The following GPATCH2L variants were observed in gnomAD, a reference collection of about 807,000 sequenced individuals.
The protein encoded by GPATCH2L is G patch domain-containing protein 2-like.
In GPATCH2L, 31 loss-of-function variants were observed where a neutral mutation model predicts 57.4. The observed-to-expected ratio is 0.54, with a 90% CI of 0.41 to 0.73. The LOEUF (loss-of-function observed/expected upper bound fraction) is 0.73. Ranked by LOEUF, GPATCH2L falls within the 30% of genes least tolerant of loss-of-function variation. The pLI is 0.00. For synonymous variants in GPATCH2L, 199 were observed against 210.7 expected, an observed-to-expected ratio of 0.94 and a Z score of 0.48; for missense variants, 481 against 599.9, an observed-to-expected ratio of 0.80 and a Z score of 2.07.
chr14:76,195,910 C>T lies in GPATCH2L; in HGVS notation c.1226C>T (p.Ser409Leu). ...QANVHWGPPC[S>L]RDIKRKRKPV... ...AATGTACACTGGGGACCACCATGTT[C>T]ACGTGACATCAAGAGGAAGCGGAAA... Residue 409 changes from serine (S) to leucine (L), a missense_variant, in exon 9 of 10, where the codon TCA (serine) becomes TTA (leucine). Coordinates refer to ENST00000261530, the MANE Select transcript of GPATCH2L (RefSeq NM_017926.4). 1 of 1,613,780 alleles carries T rather than the reference C, an allele frequency of 6.2e-7. No homozygotes were observed. The highest frequency in any genetic ancestry group is 2.2e-5 in the East Asian group (1 of 44,880).
chr14:76,223,241 GA>G (rs1268562811), intron 1 of GPATCH2L, among the ~76,000 whole-genome samples: 2 of 152,044 alleles, frequency 1.3e-5, no homozygotes, highest in African/African-American at 4.8e-5. Context: ...ATATCTTAAA[GA>G]AAATATTAGA....
intron 7 of GPATCH2L, chr14:76,179,004 A>G (rs1003639848): frequency 3.3e-5 from 5 of 151,606 alleles, no homozygotes; most frequent in Admixed American, 6.6e-5. Flanking sequence ...TTAGTTGTAA[A>G]ATAGATGAAC....
intron 2 of GPATCH2L, among the ~76,000 whole-genome samples, chr14:76,161,836 G>T (rs146227103): frequency 0.019 from 2,945 of 152,280 alleles, 62 homozygotes; most frequent in South Asian, 0.077. Context: ...AGGAGTTTGA[G>T]ACCAGCCTGA....
At chr14:76,228,521 T>C (rs1170038507) in intron 1 of GPATCH2L, among the ~76,000 whole-genome samples, 3 of 152,216 alleles carry the variant, frequency 2.0e-5, no homozygotes, top group Non-Finnish European at 4.4e-5. Flanking sequence ...AGATTAGCGT[T>C]CTGTGGGTTG....
At chr14:76,160,654 T>A (rs1451716929) in intron 2 of GPATCH2L, among the ~76,000 whole-genome samples, 1 of 152,214 alleles carries the variant, frequency 6.6e-6, no homozygotes, top group East Asian at 1.9e-4. Flanking sequence ...TTAGTTTTTC[T>A]TTTTTTCACA....
rs980722958 is a variant in GPATCH2L, at chr14:76,171,746, A to G, written c.728-97A>G. The stretch of plus-strand genomic sequence containing the variant: ...TCAAAAAGGAAAAAAAAAAAAAAGG[A>G]TGATCAAAACTATGGCACTAAGAAA... On this transcript the variant is annotated intron_variant, in intron 3 of 9. Coordinates refer to ENST00000261530, the MANE Select transcript of GPATCH2L (RefSeq NM_017926.4). The G allele has an allele frequency of 8.4e-6, 6 of 710,398 alleles. No homozygotes were observed. The African/African-American group carries it at 9.2e-5, about 11-fold the overall frequency. 44.0% of individuals were successfully genotyped at this position (710,398 alleles called of 1,614,324 possible). A position where few individuals can be genotyped will look rare whatever the true frequency, so the allele number is the denominator to read the frequency against.
At chr14:76,196,033 G>GT (rs145653552) in intron 9 of GPATCH2L, 61 bp downstream of exon 9, 204,009 of 1,169,340 alleles carry the variant, frequency 0.17, 20,209 homozygotes, top group African/African-American at 0.37. Flanking sequence ...TAAATTATGT[G>GT]TTTTGTATAC....
intron 5 of GPATCH2L, 44 bp from the exon 6 acceptor site, chr14:76,176,579 G>A: frequency 7.5e-7 from 1 of 1,324,774 alleles, no homozygotes; most frequent in Non-Finnish European, 1.1e-6. Flanking sequence ...TTATATGTTT[G>A]TTTCTGTGGT....
intron 3 of GPATCH2L, among the ~76,000 whole-genome samples, chr14:76,167,489 G>A (rs2038897973): frequency 6.6e-6 from 1 of 152,214 alleles, no homozygotes; most frequent in South Asian, 2.1e-4. Flanking sequence ...TTAAAGGACA[G>A]ACGTAGTGGC....
chr14:76,152,844 G>A (rs1440566067), intron 1 of GPATCH2L: 1 of 445,564 alleles, frequency 2.2e-6, no homozygotes, highest in South Asian at 1.6e-5. Context: ...TTCTTTATTA[G>A]GGAAGTAGAT....
chr14:76,195,592 A>T (rs1274343656), intron 8 of GPATCH2L, among the ~76,000 whole-genome samples: 1 of 152,200 alleles, frequency 6.6e-6, no homozygotes, highest in Non-Finnish European at 1.5e-5. Flanking sequence ...TTTATGAAAA[A>T]TAATTGTATA....
At chr14:76,170,219 C>A (rs905969878) in intron 3 of GPATCH2L, among the ~76,000 whole-genome samples, 1 of 152,114 alleles carries the variant, frequency 6.6e-6, no homozygotes, top group Non-Finnish European at 1.5e-5. Flanking sequence ...TGTTAATGAC[C>A]CATGAATCTC....
intron 2 of GPATCH2L, among the ~76,000 whole-genome samples, chr14:76,158,291 T>A (rs992826304): frequency 6.6e-6 from 1 of 152,194 alleles, no homozygotes; most frequent in Non-Finnish European, 1.5e-5. Context: ...CCACTCCTTC[T>A]CCAGCCCAGG....
chr14:76,180,677 G>C lies in GPATCH2L; in HGVS notation c.1108-87G>C. 4 of 848,064 alleles carry C rather than the reference G, an allele frequency of 4.7e-6. No individual in the cohort carries two copies. In the South Asian group the frequency reaches 5.6e-5, roughly 12 times the overall value. The allele number at this position is 848,064 out of a possible 1,614,324, so 52.5% of individuals were successfully genotyped here. On this transcript the variant is annotated intron_variant, in intron 7 of 9. Coordinates refer to ENST00000261530, the MANE Select transcript of GPATCH2L (RefSeq NM_017926.4). ...TATAACAAGAGTTGGATAGTCAAAGGGGAAAAGTAATCAAATGTAGGTTAC... is the reference window on the plus strand; with the variant it reads ...TATAACAAGAGTTGGATAGTCAAAGCGGAAAAGTAATCAAATGTAGGTTAC...
At chr14:76,168,938 G>A (rs1332885701) in intron 3 of GPATCH2L, among the ~76,000 whole-genome samples, 1 of 152,212 alleles carries the variant, frequency 6.6e-6, no homozygotes. Flanking sequence ...CACCACTCTT[G>A]TTTGGCAGCC....
chr14:76,178,204 T>A, intron 7 of GPATCH2L, 162 bp downstream of exon 7: 1 of 1,474,802 alleles, frequency 6.8e-7, no homozygotes, highest in Non-Finnish European at 9.2e-7. Flanking sequence ...TGTTTTTATT[T>A]TAGTTTTGAA....
At chr14:76,194,576 A>C in intron 8 of GPATCH2L, among the ~76,000 whole-genome samples, 1 of 151,744 alleles carries the variant, frequency 6.6e-6, no homozygotes, top group Non-Finnish European at 1.5e-5. Context: ...GGACTTTCTG[A>C]GTCAAAAAAT....
At position 76,209,602 on chromosome 14, in the gene GPATCH2L, C is replaced by T. The variant is rs1473865786; in HGVS notation, c.*7751C>T. ...AGGGGGCCTGTGCCCAAAAGGGGCTCCTCCACCTAATGCTGTCTTTAATCT... is the reference window on the plus strand; with the variant it reads ...AGGGGGCCTGTGCCCAAAAGGGGCTTCTCCACCTAATGCTGTCTTTAATCT... On this transcript the variant is annotated 3_prime_UTR_variant, in exon 10 of 10. Coordinates refer to ENST00000261530, the MANE Select transcript of GPATCH2L (RefSeq NM_017926.4). The T allele has an allele frequency of 6.6e-6, 1 of 152,288 alleles. No homozygotes were observed. The highest frequency in any genetic ancestry group is 1.5e-5 in the Non-Finnish European group (1 of 68,114). 9.4% of individuals were successfully genotyped at this position (152,288 alleles called of 1,614,324 possible).
intron 2 of GPATCH2L, among the ~76,000 whole-genome samples, chr14:76,163,584 G>A (rs1203790241): frequency 6.6e-6 from 1 of 152,156 alleles, no homozygotes; most frequent in African/African-American, 2.4e-5. Flanking sequence ...TGTCAGTGAG[G>A]AAATTAGTAC....
Sources: allele counts gnomAD v4.1 joint callset (sites outside exome capture counted in the v4.1 genomes callset), GRCh38; gene constraint gnomAD v4.1.1; transcripts MANE v1.5; gene names NCBI Gene and HGNC (gene_info 2026-07-23, HGNC 2026-07-21).